Variants in PTPRG observed in about 807,000 individuals in gnomAD.
The protein encoded by PTPRG is receptor-type tyrosine-protein phosphatase gamma.
In PTPRG, 102 loss-of-function variants were observed where a neutral mutation model predicts 165.3. The observed-to-expected ratio is 0.62, with a 90% confidence interval of 0.53 to 0.73. The LOEUF is 0.73. Among genes scored for constraint, PTPRG ranks in the 30% least tolerant of loss-of-function variants. The pLI is 0.00. For missense variants in PTPRG, 1,866 were observed against 1,861.4 expected, an observed-to-expected ratio of 1.00 and a Z score of -0.05; for synonymous variants, 675 against 669.5, an observed-to-expected ratio of 1.01 and a Z score of -0.13.
At chr3:62,184,660 A>G (rs1004085904) in intron 8 of PTPRG, among the ~76,000 whole-genome samples, 14 of 152,078 alleles carry the variant, frequency 9.2e-5, no homozygotes, top group African/African-American at 2.9e-4. Flanking sequence ...AGAAACAGGC[A>G]TCTCCCCCAC....
chr3:62,289,042 G>A (rs1367144235), intron 28 of PTPRG, among the ~76,000 whole-genome samples: 1 of 152,160 alleles, frequency 6.6e-6, no homozygotes, highest in Non-Finnish European at 1.5e-5. Flanking sequence ...AACATTTAGT[G>A]AACACATGGT....
intron 8 of PTPRG, among the ~76,000 whole-genome samples, chr3:62,179,527 T>G (rs1437825213): frequency 6.6e-6 from 1 of 152,240 alleles, no homozygotes; most frequent in Non-Finnish European, 1.5e-5. Flanking sequence ...GAGAAGAGCC[T>G]TCTCGCTGAG....
chr3:62,070,356 C>T (rs1290691793), intron 4 of PTPRG, among the ~76,000 whole-genome samples: 1 of 152,170 alleles, frequency 6.6e-6, no homozygotes, highest in African/African-American at 2.4e-5. Context: ...GCCCTCCTTG[C>T]CACTGATTTT....
At chr3:61,763,374 A>T (rs1368039799) in intron 2 of PTPRG, among the ~76,000 whole-genome samples, 3 of 152,020 alleles carry the variant, frequency 2.0e-5, no homozygotes, top group African/African-American at 7.2e-5. Context: ...AGTAGCTGGG[A>T]TTACAGGCGC....
chr3:62,025,192 C>T (rs2041778914), intron 4 of PTPRG, among the ~76,000 whole-genome samples: 1 of 152,112 alleles, frequency 6.6e-6, no homozygotes, highest in Admixed American at 6.6e-5. Context: ...TCACTACCCA[C>T]CTCAGTGCTT....
chr3:61,947,107 C>T (rs531105810), intron 2 of PTPRG, among the ~76,000 whole-genome samples: 8 of 152,188 alleles, frequency 5.3e-5, no homozygotes, highest in Admixed American at 2.0e-4. Context: ...AGGGTGGCAG[C>T]GTTTTCATTA....
chr3:61,577,264 C>G (rs1042275402), intron 1 of PTPRG, among the ~76,000 whole-genome samples: 1 of 152,196 alleles, frequency 6.6e-6, no homozygotes, highest in African/African-American at 2.4e-5. Context: ...TGCTTGGTAA[C>G]ATACCAAGTA....
intron 7 of PTPRG, among the ~76,000 whole-genome samples, chr3:62,159,172 A>G (rs1576076673): frequency 6.6e-6 from 1 of 152,182 alleles, no homozygotes; most frequent in African/African-American, 2.4e-5. Flanking sequence ...CAAAAAAAAA[A>G]TTAAAAAATT....
At chr3:61,700,078 A>C (rs1290606581) in intron 1 of PTPRG, among the ~76,000 whole-genome samples, 1 of 152,032 alleles carries the variant, frequency 6.6e-6, no homozygotes, top group Non-Finnish European at 1.5e-5. Flanking sequence ...ATTGATCCTT[A>C]TATAGTAAAT....
chr3:61,873,830 G>A (rs890288704), intron 2 of PTPRG, among the ~76,000 whole-genome samples: 2 of 151,600 alleles, frequency 1.3e-5, no homozygotes, highest in African/African-American at 2.4e-5. Context: ...TGCCTTTCTG[G>A]GTTTATGTCC....
chr3:61,968,917 A>G (rs997524448), intron 2 of PTPRG, among the ~76,000 whole-genome samples: 3 of 152,168 alleles, frequency 2.0e-5, no homozygotes, highest in African/African-American at 7.2e-5. Context: ...TTAAACCTGT[A>G]AGTTCTTTGA....
intron 1 of PTPRG, among the ~76,000 whole-genome samples, chr3:61,620,924 C>T (rs12637596): frequency 0.13 from 18,983 of 151,640 alleles, 1,339 homozygotes; most frequent in African/African-American, 0.19. Context: ...CCACCGCGCC[C>T]GGCCTTACAG....
At chr3:62,075,208 C>G (rs200859046) in intron 4 of PTPRG, among the ~76,000 whole-genome samples, 2 of 152,150 alleles carry the variant, frequency 1.3e-5, no homozygotes, top group East Asian at 3.9e-4. Context: ...GTATCACACG[C>G]TATTCGGGTG....
chr3:61,857,629 T>A (rs1009074753), intron 2 of PTPRG, among the ~76,000 whole-genome samples: 2 of 152,204 alleles, frequency 1.3e-5, no homozygotes, highest in African/African-American at 4.8e-5. Context: ...TGAGATCCTA[T>A]ATATCACAAG....
chr3:62,272,092 T>C (rs1209200777), intron 21 of PTPRG, among the ~76,000 whole-genome samples: 2 of 150,940 alleles, frequency 1.3e-5, no homozygotes, highest in Non-Finnish European at 3.0e-5. Context: ...AGCAAGATCA[T>C]GACTCAAAAA....
chr3:61,989,527 G>A (rs571672117), intron 2 of PTPRG, 98 bp from the exon 3 acceptor site: 183 of 1,129,504 alleles, frequency 1.6e-4, no homozygotes, highest in Non-Finnish European at 2.1e-4. Flanking sequence ...TTGGATTGGG[G>A]ACATGTTGAG....
In PTPRG at chr3:62,153,069, T is replaced by A. The variant is rs191863755; in HGVS notation, c.683-3998T>A. 2.4e-4 allele frequency among the ~76,000 whole-genome samples: 37 copies of A among 152,372 alleles called. No homozygotes were observed. In the East Asian group the frequency reaches 5.0e-3, roughly 21 times the overall value. ...TTATTAATAGCATTTCAAATACAGT[T>A]AATAAGATTGTGAAAGTGTGCTTGT... On this transcript the variant is annotated intron_variant, in intron 6 of 29. Transcript: ENST00000474889.
At chr3:61,664,777 GC>G (rs966937384) in intron 1 of PTPRG, among the ~76,000 whole-genome samples, 8 of 152,302 alleles carry the variant, frequency 5.3e-5, no homozygotes, top group Admixed American at 3.3e-4. Flanking sequence ...GTTGCGGTGA[GC>G]CGAGATCGCG....
chr3:61,917,045 G>T (rs758586549), intron 2 of PTPRG, among the ~76,000 whole-genome samples: 38 of 152,098 alleles, frequency 2.5e-4, no homozygotes, highest in Admixed American at 1.2e-3. Context: ...GCGATGTGGG[G>T]ACTGGAATGC....
Sources: allele counts gnomAD v4.1 joint callset (sites outside exome capture counted in the v4.1 genomes callset), GRCh38; gene constraint gnomAD v4.1.1; transcripts MANE v1.5; gene names NCBI Gene and HGNC (gene_info 2026-07-23, HGNC 2026-07-21).